CABIN1: variants seen among roughly 807,000 people sequenced by gnomAD.
CABIN1 encodes calcineurin binding protein 1.
CABIN1 carries 133 observed loss-of-function variants against 227.7 expected under a neutral mutation model. The ratio of observed to expected loss-of-function variants is 0.58; its 90% CI spans 0.51 to 0.67. CABIN1 has a LOEUF of 0.67. Ranked by LOEUF, CABIN1 falls within the 30% of genes least tolerant of loss-of-function variation. The pLI, the probability that CABIN1 is intolerant of heterozygous loss-of-function variation, is 0.00. For synonymous variants in CABIN1, 1,086 were observed against 1,155.1 expected (o/e 0.94, Z 1.21); for missense variants, 2,408 against 2,852.5 (o/e 0.84, Z 3.55).
chr22:24,175,210 C>T (rs1194592735), intron 34 of CABIN1, among the ~76,000 whole-genome samples: 1 of 152,188 alleles, frequency 6.6e-6, no homozygotes, highest in East Asian at 1.9e-4. Flanking sequence ...GAGACAAGGC[C>T]TCAGCCAGCC....
chr22:24,092,269 AG>A (rs1253126185), intron 24 of CABIN1, among the ~76,000 whole-genome samples: 16 of 152,130 alleles, frequency 1.1e-4, no homozygotes, highest in African/African-American at 3.9e-4. Flanking sequence ...CCAGGTTGGC[AG>A]GGGCTGAGCT....
Position 24,035,487 on chromosome 22 carries a change from A to G in CABIN1, c.-31A>G, listed in dbSNP as rs1043326842. 2 of 1,613,986 alleles carry G rather than the reference A, an allele frequency of 1.2e-6. No homozygotes were observed. The highest frequency in any genetic ancestry group is 1.7e-5 in the Admixed American group (1 of 60,006). On this transcript the variant is annotated 5_prime_UTR_variant, in exon 2 of 37. An upstream start codon of the reference 5' UTR is lost. Coordinates refer to ENST00000263119, the MANE Select transcript of CABIN1 (RefSeq NM_012295.4). ...CAACCTTTGCCAGTGATGAGAAGTG[A>G]TGCTCGTGGCAGTGCTGAATCTCTC... is the stretch of plus-strand genomic sequence containing the variant.
chr22:24,095,356 T>A (rs543294598), intron 24 of CABIN1, among the ~76,000 whole-genome samples: 22 of 152,296 alleles, frequency 1.4e-4, no homozygotes, highest in African/African-American at 5.1e-4. Flanking sequence ...AATTGAGGAA[T>A]GTGGTAAGGA....
At chr22:24,030,545 T>C (rs987789957) in intron 1 of CABIN1, among the ~76,000 whole-genome samples, 36 of 152,182 alleles carry the variant, frequency 2.4e-4, no homozygotes, top group Non-Finnish European at 4.4e-5. Context: ...ACAGGTGCCC[T>C]TTTAGTGGGG....
intron 29 of CABIN1, among the ~76,000 whole-genome samples, chr22:24,136,522 G>GTTT (rs2044413985): frequency 1.3e-5 from 1 of 77,376 alleles, no homozygotes; most frequent in African/African-American, 6.6e-5. Flanking sequence ...GCTAATTTTT[G>GTTT]TATTTTTTTT....
chr22:24,136,347 CTTTTTTT>C (rs71184947), intron 29 of CABIN1, among the ~76,000 whole-genome samples: 3 of 113,208 alleles, frequency 2.6e-5, no homozygotes, highest in Non-Finnish European at 5.3e-5. Context: ...GCCATCCCTC[CTTTTTTT>C]TTTTTTTTTT....
intron 1 of CABIN1, among the ~76,000 whole-genome samples, chr22:24,012,273 C>G (rs1363367338): frequency 6.6e-6 from 1 of 152,076 alleles, no homozygotes; most frequent in Non-Finnish European, 1.5e-5. Context: ...ATTATAGGGA[C>G]CGAAGTTTTA....
chr22:24,119,606 G>A lies in CABIN1; in HGVS notation c.4540G>A (p.Ala1514Thr), dbSNP rs768664441. Residue 1514 changes from alanine to threonine, a missense_variant, in exon 28 of 37, where the codon GCC becomes ACC. By Grantham distance (58) the Ala-to-Thr change is moderately conservative. Coordinates refer to ENST00000263119, the MANE Select transcript of CABIN1 (RefSeq NM_012295.4). ...QRQFLTEQCI[A>T]SFRLCLSRFP... ...GCAGTTTCTCACAGAGCAGTGCATC[G>A]CCTCCTTCCGCCTGTGCCTGAGCCG... is the stretch of plus-strand genomic sequence containing the variant. 10 of 1,613,588 alleles carry A rather than the reference G, an allele frequency of 6.2e-6. No individual in the cohort carries two copies. Among genetic ancestry groups the A allele is most frequent in the African/African-American group, 1.3e-5 (1 of 75,050 alleles).
At chr22:24,160,219 C>T (rs536516310) in intron 29 of CABIN1, 12 of 152,306 alleles carry the variant, frequency 7.9e-5, no homozygotes, top group African/African-American at 2.9e-4. Flanking sequence ...CCTACTCAGC[C>T]CACACCTGAC....
At chr22:24,077,690 C>T (rs1288109971) in intron 19 of CABIN1, among the ~76,000 whole-genome samples, 1 of 152,126 alleles carries the variant, frequency 6.6e-6, no homozygotes, top group Non-Finnish European at 1.5e-5. Context: ...TTCTGCCTTC[C>T]CTCTGCCAAC....
rs1368236871 is a variant in CABIN1, at chr22:24,065,260, C to T, written c.2037+1073C>T. Among the ~76,000 whole-genome samples, 5 of 150,364 alleles carry T rather than the reference C, an allele frequency of 3.3e-5. No homozygotes were observed. In the South Asian group the frequency reaches 6.4e-4, roughly 19 times the overall value. On this transcript the variant is annotated intron_variant, in intron 15 of 36. Coordinates refer to ENST00000263119, the MANE Select transcript of CABIN1 (RefSeq NM_012295.4). The stretch of plus-strand genomic sequence containing the variant: ...CCTCACTTCTCAGACGGGGCGGCTG[C>T]CAGGCGGAGGGTCTCCTCACTTCTC...
chr22:24,176,077 GTC>G, intron 34 of CABIN1, 32 bp from the exon 35 acceptor site: 1 of 1,600,686 alleles, frequency 6.2e-7, no homozygotes, highest in East Asian at 2.3e-5. Context: ...GGGTGGATGA[GTC>G]TATTACCTGC....
intron 22 of CABIN1, among the ~76,000 whole-genome samples, chr22:24,086,091 G>A (rs1401474138): frequency 6.6e-6 from 1 of 151,302 alleles, no homozygotes; most frequent in East Asian, 2.0e-4. Flanking sequence ...GGTTCTCACA[G>A]AACTTCTTTT....
rs2147013841 is a variant in CABIN1, at chr22:24,038,269, C to T, written c.97-79C>T. The T allele has an allele frequency of 2.7e-6, 3 of 1,111,862 alleles. No individual in the cohort carries two copies. In the Admixed American group the frequency reaches 5.1e-5, roughly 19 times the overall value. The allele number at this position is 1,111,862 out of a possible 1,614,324, so 68.9% of individuals were successfully genotyped here. A position where few individuals can be genotyped will look rare whatever the true frequency, so the allele number is the denominator to read the frequency against. ...ACATGGTTGGTTCCTCTGACTGTAG[C>T]CCCGCCTTACACACATTTTTGGCTT... On this transcript the variant is annotated intron_variant, in intron 3 of 36. Transcript: ENST00000263119.
intron 33 of CABIN1, among the ~76,000 whole-genome samples, chr22:24,170,420 G>A (rs1408167740): frequency 6.6e-6 from 1 of 152,220 alleles, no homozygotes; most frequent in East Asian, 1.9e-4. Context: ...GCCCACGGCT[G>A]AGGCCCGCTC....
intron 29 of CABIN1, chr22:24,156,084 CT>C: frequency 2.4e-6 from 1 of 417,470 alleles, no homozygotes. Context: ...CGGGTAGGAA[CT>C]TGGCGGGGGC....
rs751829032 is a variant in CABIN1, at chr22:24,176,178, G to A, written c.6108G>A (p.Pro2036=). The change falls in exon 35 of 37, where the codon CCG becomes CCA. Residue 2036 remains proline, a synonymous_variant. Coordinates refer to ENST00000263119, the MANE Select transcript of CABIN1 (RefSeq NM_012295.4). ...SFPPQEPRHS[P]QVKMAPTSSP... Reference sequence around the variant, plus strand: ...CGCCTCAGGAGCCACGGCACAGTCCGCAGGTGAAGATGGCCCCCACAAGTT... The same window carrying A: ...CGCCTCAGGAGCCACGGCACAGTCCACAGGTGAAGATGGCCCCCACAAGTT... 38 of 1,610,818 alleles carry A rather than the reference G, an allele frequency of 2.4e-5. No homozygotes were observed. Among genetic ancestry groups the A allele is most frequent in the Admixed American group, 3.3e-5 (2 of 59,786 alleles).
chr22:24,161,024 C>CGA (rs2046123486), intron 29 of CABIN1, among the ~76,000 whole-genome samples: 1 of 152,208 alleles, frequency 6.6e-6, no homozygotes, highest in Admixed American at 6.5e-5. Context: ...GCTCTGTTTC[C>CGA]TCAAGAGCAG....
At chr22:24,100,394 T>C (rs1024467553) in intron 26 of CABIN1, among the ~76,000 whole-genome samples, 2 of 152,368 alleles carry the variant, frequency 1.3e-5, no homozygotes, top group Admixed American at 1.3e-4. Context: ...GCAGCTATAC[T>C]AGTTCCTAGG....
Sources: gnomAD v4.1 joint callset for allele counts (sites outside exome capture counted in the v4.1 genomes callset) on GRCh38, gnomAD v4.1.1 for gene constraint, MANE v1.5 for transcripts, NCBI Gene and HGNC (gene_info 2026-07-23, HGNC 2026-07-21) for gene names.